Variants in SMG1 observed in about 807,000 individuals in gnomAD.
SMG1 encodes the protein serine/threonine-protein kinase SMG1.
A neutral mutation model predicts 419.9 loss-of-function variants in SMG1; 22 were observed. The ratio of observed to expected loss-of-function variants is 0.05; its 90% CI spans 0.04 to 0.07. The LOEUF is 0.07. SMG1 is among the 10% of genes least tolerant of loss of function. The probability of loss-of-function intolerance (pLI) is 1.00; values close to 1 mark genes in which losing one functional copy is unlikely to be tolerated. For synonymous variants in SMG1, 1,538 were observed against 1,553.5 expected (o/e 0.99, Z 0.23); for missense variants, 3,185 against 4,342.0 (o/e 0.73, Z 7.49).
At position 18,882,205 on chromosome 16, in the gene SMG1, G is replaced by A. The variant is rs767357675; in HGVS notation, c.1253C>T (p.Pro418Leu). 1 of 1,597,500 alleles carries A rather than the reference G, an allele frequency of 6.3e-7. No individual in the cohort carries two copies. Among genetic ancestry groups the A allele is most frequent in the Non-Finnish European group, 8.5e-7 (1 of 1,173,114 alleles). ...CTCAGTAATTGGAGGACCCCGAATT[G>A]GGCTGAAGCGTTCCCCAATGCTCCT... is the stretch of plus-strand genomic sequence containing the variant. ...VVRSIGERFS[P>L]IRGPPITEAY... Residue 418 changes from proline to leucine, a missense_variant, in exon 10 of 63, where the codon CCA becomes CTA. This residue lies in a region of SMG1 where 52 missense variants were observed against 69.0 expected (regional missense o/e 0.75). Coordinates refer to ENST00000446231, the MANE Select transcript of SMG1 (RefSeq NM_015092.5).
chr16:18,922,379 G>C (rs554654136), intron 1 of SMG1, among the ~76,000 whole-genome samples: 79 of 152,260 alleles, frequency 5.2e-4, no homozygotes, highest in African/African-American at 1.9e-3. Context: ...AAAAACCAGA[G>C]GCATCCAGTG....
intron 42 of SMG1, 149 bp downstream of exon 42, chr16:18,839,549 A>T: frequency 1.0e-6 from 1 of 976,754 alleles, no homozygotes; most frequent in Non-Finnish European, 1.5e-6. Flanking sequence ...ATGCCTTTAT[A>T]ACTGTAATAT....
intron 11 of SMG1, chr16:18,878,110 T>C (rs2036221216): frequency 2.6e-5 from 4 of 152,102 alleles, no homozygotes; most frequent in Admixed American, 6.5e-5. Flanking sequence ...GGTTAAGAAA[T>C]TAAAGGAGGC....
intron 29 of SMG1, among the ~76,000 whole-genome samples, chr16:18,855,762 T>G (rs926396464): frequency 2.6e-5 from 4 of 152,196 alleles, no homozygotes; most frequent in African/African-American, 9.7e-5. Flanking sequence ...TTAGGTCCCT[T>G]TGACCCCATT....
Position 18,833,181 on chromosome 16 carries a change from G to GA in SMG1, c.8566-16dup, listed in dbSNP as rs749861336. The stretch of plus-strand genomic sequence containing the variant: ...GAATTCAATTCCTATAAATATATGA[G>GA]AAAAAAACTTTTAATGTTTTTTGAG... On this transcript the variant is annotated splice_polypyrimidine_tract_variant and intron_variant, in intron 50 of 62. Transcript: ENST00000446231. 1.9e-6 allele frequency: 3 copies of GA among 1,602,124 alleles called. No individual in the cohort carries two copies. In the African/African-American group the frequency reaches 4.0e-5, roughly 22 times the overall value.
At chr16:18,841,945 A>G (rs145313581) in intron 40 of SMG1, among the ~76,000 whole-genome samples, 151 bp from the exon 41 acceptor site, 3 of 152,310 alleles carry the variant, frequency 2.0e-5, no homozygotes, top group African/African-American at 7.2e-5. Context: ...GGGACAAGAT[A>G]TTGGCAGTAG....
chr16:18,847,137 T>C (rs114731611), intron 38 of SMG1, among the ~76,000 whole-genome samples: 1,616 of 152,274 alleles, frequency 0.011, 33 homozygotes, highest in African/African-American at 0.037. Context: ...AAAAGATGGA[T>C]AGTTTATGTT....
chr16:18,868,810 A>G, intron 20 of SMG1, 91 bp from the exon 21 acceptor site: 1 of 622,596 alleles, frequency 1.6e-6, no homozygotes. Context: ...ACATTTATCA[A>G]GTATCCTCTG....
chr16:18,865,294 T>A (rs1329400989), intron 23 of SMG1, among the ~76,000 whole-genome samples: 1 of 152,216 alleles, frequency 6.6e-6, no homozygotes, highest in East Asian at 1.9e-4. Flanking sequence ...AATAACTATT[T>A]TTGCTGACGG....
In SMG1 at chr16:18,845,537, T is replaced by G; in HGVS notation, c.6111A>C (p.Glu2037Asp). 1 of 1,613,990 alleles carries G rather than the reference T, an allele frequency of 6.2e-7. No homozygotes were observed. Residue 2037 changes from glutamate to aspartate, a missense_variant, in exon 39 of 63, where the codon GAA becomes GAC. By Grantham distance (45) the Glu-to-Asp change is conservative. This residue lies in a region of SMG1 where 159 missense variants were observed against 196.0 expected (regional missense o/e 0.81). Coordinates refer to ENST00000446231, the MANE Select transcript of SMG1 (RefSeq NM_015092.5). ...ITAAPAETPHEKWFQDNYGDA... is the reference protein window; with the variant it reads ...ITAAPAETPHDKWFQDNYGDA... ...CACCATAGTTATCCTGAAACCATTTTTCATGAGGTGTTTCTGCAGGAGCCG... is the reference window on the plus strand; with the variant it reads ...CACCATAGTTATCCTGAAACCATTTGTCATGAGGTGTTTCTGCAGGAGCCG...
chr16:18,815,349 C>G (rs1216832054), intron 59 of SMG1, 68 bp from the exon 60 acceptor site: 3 of 1,554,960 alleles, frequency 1.9e-6, no homozygotes, highest in Middle Eastern at 3.4e-4. Flanking sequence ...AAAATATGAA[C>G]AAAACTGAAA....
At position 18,850,126 on chromosome 16, in the gene SMG1, T is replaced by C; in HGVS notation, c.5284A>G (p.Ile1762Val). 6 of 1,610,854 alleles carry C rather than the reference T, an allele frequency of 3.7e-6. No homozygotes were observed. Among genetic ancestry groups the C allele is most frequent in the Non-Finnish European group, 5.1e-6 (6 of 1,178,300 alleles). Reference protein sequence around the residue: ...FTFLKLNAGQIPLDEDDPRLH... With the variant: ...FTFLKLNAGQVPLDEDDPRLH... Reference sequence around the variant, plus strand: ...CTAGGGTCATCCTCATCTAAAGGAATCTAAGAGTGAAAGATGAGGGGAATA... The same window carrying C: ...CTAGGGTCATCCTCATCTAAAGGAACCTAAGAGTGAAAGATGAGGGGAATA... The change falls in exon 35 of 63, where the codon ATT (isoleucine) becomes GTT (valine). Residue 1762 changes from isoleucine (I) to valine (V), a missense_variant and splice_region_variant. Around this residue, in one of 27 missense-constraint regions of SMG1, gnomAD observed 493 missense variants for 552.9 expected, o/e 0.89. Transcript: ENST00000446231.
chr16:18,845,771 T>G, intron 38 of SMG1, 120 bp from the exon 39 acceptor site: 1 of 705,608 alleles, frequency 1.4e-6, no homozygotes, highest in South Asian at 1.9e-5. Flanking sequence ...TAAGTCTAAA[T>G]AAAGCAATAA....
intron 60 of SMG1, among the ~76,000 whole-genome samples, chr16:18,813,387 T>C (rs960633842): frequency 5.9e-4 from 90 of 152,314 alleles, no homozygotes; most frequent in African/African-American, 2.1e-3. Context: ...TGGTATCTCA[T>C]TGTGGTTTTG....
intron 31 of SMG1, among the ~76,000 whole-genome samples, chr16:18,852,995 A>G: frequency 6.6e-6 from 1 of 152,228 alleles, no homozygotes; most frequent in South Asian, 2.1e-4. Flanking sequence ...TCAAGACTCT[A>G]TCAAAATTAT....
intron 60 of SMG1, 68 bp from the exon 61 acceptor site, chr16:18,812,195 G>C: frequency 6.8e-7 from 1 of 1,479,322 alleles, no homozygotes; most frequent in Non-Finnish European, 9.2e-7. Context: ...AGTGGAGCAA[G>C]CACGGGATAG....
At position 18,811,775 on chromosome 16, in the gene SMG1, A is replaced by T; in HGVS notation, c.10894T>A (p.Ser3632Thr). 1 of 1,613,966 alleles carries T rather than the reference A, an allele frequency of 6.2e-7. No homozygotes were observed. The highest frequency in any genetic ancestry group is 8.5e-7 in the Non-Finnish European group (1 of 1,179,836). ...AACACGGTCACCTGTTCAGCAACTG[A>T]CATCCTCCTATTCGGATCAACATCT... The part of the protein sequence containing the change: ...GRDVDPNRRM[S>T]VAEQVDYVIK... Residue 3632 changes from serine (S) to threonine (T), a missense_variant, in exon 62 of 63, where the codon TCA becomes ACA. Ser to Thr is a moderately conservative substitution (Grantham distance 58). Around this residue, in one of 27 missense-constraint regions of SMG1, gnomAD observed 41 missense variants for 78.7 expected, o/e 0.52. Coordinates refer to ENST00000446231, the MANE Select transcript of SMG1 (RefSeq NM_015092.5).
At chr16:18,883,747 T>C (rs2036502131) in intron 9 of SMG1, among the ~76,000 whole-genome samples, 1 of 151,936 alleles carries the variant, frequency 6.6e-6, no homozygotes, top group South Asian at 2.1e-4. Flanking sequence ...GGTGAAACCC[T>C]GTCTCTACTA....
At chr16:18,833,207 T>TTTAGC in intron 50 of SMG1, 41 bp from the exon 51 acceptor site, 3 of 1,515,850 alleles carry the variant, frequency 2.0e-6, no homozygotes, top group Non-Finnish European at 1.8e-6. Context: ...GTTTTTTGAG[T>TTTAGC]TTAGCTAAGT....
Sources: gnomAD v4.1 joint callset for allele counts (sites outside exome capture counted in the v4.1 genomes callset) on GRCh38, gnomAD v4.1.1 for gene constraint, gnomAD v4.1.1 regional missense constraint, MANE v1.5 for transcripts, NCBI Gene and HGNC (gene_info 2026-07-23, HGNC 2026-07-21) for gene names.